The following NSRP1 variants were observed in gnomAD, a reference collection of about 807,000 sequenced individuals.
The protein encoded by NSRP1 is nuclear speckle splicing regulatory protein 1.
NSRP1 carries 24 observed loss-of-function variants against 54.7 expected under a neutral mutation model. The observed-to-expected ratio is 0.44, with a 90% CI of 0.32 to 0.62. The LOEUF is 0.62. NSRP1 is among the 20% of genes least tolerant of loss of function. The pLI is 0.06. For synonymous variants in NSRP1, 210 were observed against 213.8 expected, an observed-to-expected ratio of 0.98 and a Z score of 0.15; for missense variants, 596 against 651.2, an observed-to-expected ratio of 0.92 and a Z score of 0.92.
intron 1 of NSRP1, 122 bp downstream of exon 1, chr17:30,116,985 G>GA (rs2071539570): frequency 1.6e-6 from 2 of 1,243,950 alleles, no homozygotes; most frequent in Non-Finnish European, 2.3e-6. Context: ...GTAGAGACGG[G>GA]AAAAAACGAG....
chr17:30,139,737 A>G (rs1014351129), intron 2 of NSRP1, among the ~76,000 whole-genome samples: 4 of 152,138 alleles, frequency 2.6e-5, no homozygotes, highest in Admixed American at 1.3e-4. Flanking sequence ...CTGAGACACT[A>G]TTTGAGGCCG....
chr17:30,163,189 T>TGTG (rs1904589122), intron 2 of NSRP1: 4 of 121,560 alleles, frequency 3.3e-5, no homozygotes, highest in Non-Finnish European at 6.6e-5. Flanking sequence ...CCGGCTAATT[T>TGTG]TGTGTGTGTG....
At chr17:30,171,801 A>G (rs1904941541) in intron 2 of NSRP1, among the ~76,000 whole-genome samples, 1 of 152,124 alleles carries the variant, frequency 6.6e-6, no homozygotes, top group African/African-American at 2.4e-5. Flanking sequence ...AGCCTTAAAC[A>G]TAAACCGAGA....
chr17:30,141,611 A>G (rs781512822), intron 2 of NSRP1, among the ~76,000 whole-genome samples: 3 of 152,224 alleles, frequency 2.0e-5, no homozygotes, highest in South Asian at 2.1e-4. Flanking sequence ...TTAAAGTACT[A>G]TATACCTTTA....
intron 2 of NSRP1, among the ~76,000 whole-genome samples, chr17:30,171,981 CTCT>C (rs1567804415): frequency 1.8e-4 from 17 of 96,492 alleles, no homozygotes; most frequent in South Asian, 4.7e-4. Flanking sequence ...CACTCCCTCT[CTCT>C]CTCTCTCTCT....
chr17:30,182,574 G>A (rs1051178915), intron 6 of NSRP1, among the ~76,000 whole-genome samples: 2 of 152,082 alleles, frequency 1.3e-5, no homozygotes, highest in East Asian at 1.9e-4. Flanking sequence ...CTCGGGAGGC[G>A]GAGATTGCAG....
intron 2 of NSRP1, among the ~76,000 whole-genome samples, chr17:30,145,821 G>A (rs934936635): frequency 2.0e-5 from 3 of 151,822 alleles, no homozygotes; most frequent in Non-Finnish European, 2.9e-5. Flanking sequence ...AAGCTTTCCT[G>A]TTTTATTTTT....
intron 2 of NSRP1, among the ~76,000 whole-genome samples, chr17:30,140,787 C>G (rs542409760): frequency 1.6e-4 from 25 of 152,026 alleles, no homozygotes; most frequent in African/African-American, 5.3e-4. Flanking sequence ...CTTGGCCGCC[C>G]AAAGTGGTGG....
intron 2 of NSRP1, among the ~76,000 whole-genome samples, chr17:30,145,708 G>A (rs2071848405): frequency 6.6e-6 from 1 of 151,218 alleles, no homozygotes; most frequent in Non-Finnish European, 1.5e-5. Flanking sequence ...TTTTTTTGGA[G>A]ACAATTTTTA....
At chr17:30,163,593 A>G (rs1456848427) in intron 2 of NSRP1, among the ~76,000 whole-genome samples, 1 of 152,020 alleles carries the variant, frequency 6.6e-6, no homozygotes, top group Non-Finnish European at 1.5e-5. Context: ...TTCTCTACAC[A>G]GAACAATGAA....
intron 2 of NSRP1, among the ~76,000 whole-genome samples, chr17:30,132,602 A>G (rs1214380401): frequency 6.6e-6 from 1 of 152,218 alleles, no homozygotes; most frequent in Non-Finnish European, 1.5e-5. Context: ...GAAATTTGTC[A>G]TCAATTCAAG....
chr17:30,153,840 A>G (rs2071936174), intron 2 of NSRP1, among the ~76,000 whole-genome samples: 1 of 152,182 alleles, frequency 6.6e-6, no homozygotes, highest in African/African-American at 2.4e-5. Flanking sequence ...AGTAAAATTT[A>G]AAAATTAGTT....
At chr17:30,156,028 C>T (rs1482267630) in intron 2 of NSRP1, among the ~76,000 whole-genome samples, 2 of 151,602 alleles carry the variant, frequency 1.3e-5, no homozygotes, top group African/African-American at 4.8e-5. Context: ...TTAGTAGAGA[C>T]AGGGTTTCAC....
chr17:30,128,057 T>C (rs973767831), intron 2 of NSRP1: 6 of 380,018 alleles, frequency 1.6e-5, no homozygotes, highest in Middle Eastern at 6.6e-4. Flanking sequence ...TAGGCTGCTC[T>C]TGAACTCCTG....
At chr17:30,154,061 A>G (rs1020596117) in intron 2 of NSRP1, among the ~76,000 whole-genome samples, 4 of 150,688 alleles carry the variant, frequency 2.7e-5, no homozygotes, top group Non-Finnish European at 5.9e-5. Flanking sequence ...CATGTGCTGT[A>G]ATCTCAGCAC....
intron 1 of NSRP1, 118 bp from the exon 2 acceptor site, chr17:30,117,962 G>T: frequency 1.3e-6 from 1 of 778,428 alleles, no homozygotes; most frequent in Non-Finnish European, 2.1e-6. Flanking sequence ...TCTGTTACGT[G>T]TTCATAAAGC....
intron 2 of NSRP1, among the ~76,000 whole-genome samples, chr17:30,145,893 A>G (rs1323251520): frequency 6.6e-6 from 1 of 152,280 alleles, no homozygotes; most frequent in East Asian, 1.9e-4. Flanking sequence ...ACTGTTCCTC[A>G]GGCTTGAGTG....
chr17:30,171,741 T>C (rs1904939887), intron 2 of NSRP1, among the ~76,000 whole-genome samples: 1 of 152,196 alleles, frequency 6.6e-6, no homozygotes. Flanking sequence ...AAACATGCTT[T>C]TTGGTACATA....
At chr17:30,174,186 C>T (rs1905049940) in intron 3 of NSRP1, among the ~76,000 whole-genome samples, 1 of 151,938 alleles carries the variant, frequency 6.6e-6, no homozygotes, top group Admixed American at 6.6e-5. Context: ...AGCATGAATC[C>T]CAAATCTGAT....
Sources: gnomAD v4.1 joint callset for allele counts (sites outside exome capture counted in the v4.1 genomes callset) on GRCh38, gnomAD v4.1.1 for gene constraint, MANE v1.5 for transcripts, NCBI Gene and HGNC (gene_info 2026-07-23, HGNC 2026-07-21) for gene names.